Variants in MAP3K7CL observed in about 807,000 individuals in gnomAD.
MAP3K7CL encodes the protein MAP3K7 C-terminal like, also known as MAP3K7 C-terminal-like protein.
A neutral mutation model predicts 18.6 loss-of-function variants in MAP3K7CL; 16 were observed. That is an observed-to-expected ratio of 0.86 (90% CI 0.58 to 1.31). The LOEUF is 1.31. Ranked by LOEUF, MAP3K7CL falls within the 50% of genes most tolerant of loss-of-function variation. MAP3K7CL has a pLI of 0.00. For synonymous variants in MAP3K7CL, 65 were observed against 66.8 expected, an observed-to-expected ratio of 0.97 and a Z score of 0.13; for missense variants, 163 against 174.4, an observed-to-expected ratio of 0.93 and a Z score of 0.37.
chr21:29,113,610 C>G (rs931079793), intron 4 of MAP3K7CL, among the ~76,000 whole-genome samples: 3 of 152,250 alleles, frequency 2.0e-5, no homozygotes, highest in African/African-American at 7.2e-5. Context: ...ACTGCAACCT[C>G]TGCCTCCCAG....
chr21:29,119,990 T>C (rs1343984982), intron 4 of MAP3K7CL, among the ~76,000 whole-genome samples: 1 of 152,148 alleles, frequency 6.6e-6, no homozygotes, highest in African/African-American at 2.4e-5. Context: ...TGATTGATAG[T>C]TTGGTCAGAT....
At chr21:29,087,629 T>C (rs573181728) in intron 1 of MAP3K7CL, among the ~76,000 whole-genome samples, 3 of 150,032 alleles carry the variant, frequency 2.0e-5, no homozygotes, top group East Asian at 3.9e-4. Flanking sequence ...AGTCTTGTTC[T>C]GTCTCCCAGG....
At chr21:29,111,058 C>T (rs574819658) in intron 4 of MAP3K7CL, among the ~76,000 whole-genome samples, 1 of 152,014 alleles carries the variant, frequency 6.6e-6, no homozygotes, top group South Asian at 2.1e-4. Context: ...AAATCAAGAC[C>T]ATCCTGTCTA....
At chr21:29,115,814 C>T (rs962345963) in intron 4 of MAP3K7CL, among the ~76,000 whole-genome samples, 3 of 152,212 alleles carry the variant, frequency 2.0e-5, no homozygotes, top group African/African-American at 7.2e-5. Flanking sequence ...TGGCCCTGCT[C>T]GCAGGATCAC....
At position 29,130,805 on chromosome 21, in the gene MAP3K7CL, G is replaced by A. The variant is rs2086765255; in HGVS notation, c.-158G>A. ...GTCTCCGCTCCTCAGATTGTCAGTGGCTGCTATGCAGCAGGTGCAGCCTGG... is the reference window on the plus strand; with the variant it reads ...GTCTCCGCTCCTCAGATTGTCAGTGACTGCTATGCAGCAGGTGCAGCCTGG... On this transcript the variant is annotated 5_prime_UTR_variant, in exon 1 of 5. Transcript: ENST00000399928. 1 of 985,550 alleles carries A rather than the reference G, an allele frequency of 1.0e-6. No homozygotes were observed. Among genetic ancestry groups the A allele is most frequent in the Non-Finnish European group, 1.2e-6 (1 of 830,032 alleles). The allele number at this position is 985,550 out of a possible 1,614,324, so 61.1% of individuals were successfully genotyped here.
intron 4 of MAP3K7CL, among the ~76,000 whole-genome samples, chr21:29,118,088 T>A (rs2086531079): frequency 6.8e-6 from 1 of 146,214 alleles, no homozygotes; most frequent in Non-Finnish European, 1.5e-5. Flanking sequence ...TTTTTTAAAT[T>A]AAAAAAATTT....
At chr21:29,103,924 T>A (rs1568937440) in intron 4 of MAP3K7CL, among the ~76,000 whole-genome samples, 1 of 152,006 alleles carries the variant, frequency 6.6e-6, no homozygotes, top group East Asian at 1.9e-4. Context: ...TAAACTAAAA[T>A]AAAAAGTTTG....
At chr21:29,092,714 A>G in intron 4 of MAP3K7CL, 1 of 971,078 alleles carries the variant, frequency 1.0e-6, no homozygotes, top group Non-Finnish European at 1.5e-6. Context: ...CAATGGCTCT[A>G]CGACGTGCTG....
chr21:29,150,616 C>T (rs911807104), intron 3 of MAP3K7CL, among the ~76,000 whole-genome samples: 6 of 152,210 alleles, frequency 3.9e-5, no homozygotes, highest in South Asian at 2.1e-4. Context: ...TCAGCCATCA[C>T]GTCTCCCTCT....
intron 2 of MAP3K7CL, chr21:29,145,710 A>G (rs2087113253): frequency 6.6e-6 from 1 of 152,210 alleles, no homozygotes; most frequent in African/African-American, 2.4e-5. Flanking sequence ...CAGACTTGGT[A>G]GGCTTCATAC....
At chr21:29,092,635 A>C (rs2086049695) in intron 4 of MAP3K7CL, 7 of 1,601,524 alleles carry the variant, frequency 4.4e-6, no homozygotes, top group Non-Finnish European at 6.0e-6. Flanking sequence ...CTTTTTACAC[A>C]CTGCACCATG....
chr21:29,123,277 T>C (rs752010386), intron 4 of MAP3K7CL, among the ~76,000 whole-genome samples: 24 of 152,292 alleles, frequency 1.6e-4, no homozygotes, highest in Non-Finnish European at 3.1e-4. Flanking sequence ...TTGGTCAGGC[T>C]GATCTCAAAT....
intron 4 of MAP3K7CL, among the ~76,000 whole-genome samples, chr21:29,106,706 G>T (rs1474456541): frequency 6.6e-6 from 1 of 152,202 alleles, no homozygotes; most frequent in African/African-American, 2.4e-5. Context: ...CTAGCCTGAT[G>T]TCCCAGCTCT....
chr21:29,126,126 G>A (rs565093593), upstream of MAP3K7CL, among the ~76,000 whole-genome samples: 2 of 152,348 alleles, frequency 1.3e-5, no homozygotes, highest in African/African-American at 4.8e-5. Context: ...GACTCTGCAT[G>A]TGCCATACGG....
intron 4 of MAP3K7CL, chr21:29,109,856 G>A: frequency 1.1e-6 from 1 of 900,308 alleles, no homozygotes; most frequent in Non-Finnish European, 1.3e-6. Context: ...TGGGATTTCT[G>A]GGTCAAAGGG....
At chr21:29,085,154 T>C (rs913067196), upstream of MAP3K7CL, 5 of 152,094 alleles carry the variant, frequency 3.3e-5, no homozygotes, top group Non-Finnish European at 5.9e-5. Context: ...GTTCGTAAGT[T>C]TTATAATCTT....
chr21:29,155,554 G>A (rs1025454467), intron 3 of MAP3K7CL, among the ~76,000 whole-genome samples: 2 of 152,180 alleles, frequency 1.3e-5, no homozygotes, highest in African/African-American at 2.4e-5. Context: ...CTCAGGCAGA[G>A]AGCAGAACAG....
At chr21:29,122,843 G>A (rs1423510357) in intron 4 of MAP3K7CL, among the ~76,000 whole-genome samples, 1 of 152,094 alleles carries the variant, frequency 6.6e-6, no homozygotes, top group Admixed American at 6.5e-5. Flanking sequence ...ACTGGGGACT[G>A]CCCTCTTCTA....
chr21:29,085,084 C>G (rs917032407), upstream of MAP3K7CL: 17 of 152,142 alleles, frequency 1.1e-4, 2 homozygotes, highest in Admixed American at 1.1e-3. Context: ...GTGGAATAAC[C>G]CTTAAGCCCT....
Sources: allele counts gnomAD v4.1 joint callset (sites outside exome capture counted in the v4.1 genomes callset), GRCh38; gene constraint gnomAD v4.1.1; transcripts MANE v1.5; gene names NCBI Gene and HGNC (gene_info 2026-07-23, HGNC 2026-07-21).